Variants in PCDHGA5 observed in about 807,000 individuals in gnomAD.
The protein encoded by PCDHGA5 is protocadherin gamma subfamily A, 5, also known as protocadherin gamma-A5.
A neutral mutation model predicts 56.7 loss-of-function variants in PCDHGA5; 36 were observed. The observed-to-expected ratio is 0.64, with a 90% confidence interval of 0.49 to 0.84. The LOEUF (loss-of-function observed/expected upper bound fraction) is 0.84. Ranked by LOEUF, PCDHGA5 falls within the 40% of genes least tolerant of loss-of-function variation. The pLI, the probability that PCDHGA5 is intolerant of heterozygous loss-of-function variation, is 0.00. For missense variants in PCDHGA5, 1,305 were observed against 1,201.5 expected (o/e 1.09, Z -1.27); for synonymous variants, 563 against 520.2 (o/e 1.08, Z -1.12).
rs1445482375 is a variant in PCDHGA5, at chr5:141,364,528, C to A, written c.198C>A (p.Ile66=). ...AGCTGGCGGAGCGCGGAGTCCGCAT[C>A]GTCTCCAGAGGTAGGACGCAGCTTT... ...PQELAERGVR[I]VSRGRTQLFA... is the part of the protein sequence containing the mutation. The change falls in exon 1 of 4, where the codon ATC becomes ATA. Residue 66 remains isoleucine, a synonymous_variant. Coordinates refer to ENST00000518069, the MANE Select transcript of PCDHGA5 (RefSeq NM_018918.3). The A allele has an allele frequency of 1.2e-6, 2 of 1,613,930 alleles. No homozygotes were observed. Among genetic ancestry groups the A allele is most frequent in the Non-Finnish European group, 1.7e-6 (2 of 1,179,924 alleles).
intron 1 of PCDHGA5, chr5:141,399,651 G>A (rs1561671286): frequency 1.2e-6 from 2 of 1,613,738 alleles, no homozygotes; most frequent in Non-Finnish European, 1.7e-6. Flanking sequence ...CGCAAAGTGG[G>A]GTGGTGTTCG....
At position 141,489,384 on chromosome 5, in the gene PCDHGA5, T is replaced by G; in HGVS notation, c.2422-5423T>G. The G allele has an allele frequency of 6.2e-7, 1 of 1,613,986 alleles. No individual in the cohort carries two copies. The highest frequency in any genetic ancestry group is 1.3e-5 in the African/African-American group (1 of 75,042). On this transcript the variant is annotated intron_variant, in intron 1 of 3. Transcript: ENST00000518069. This position sits in a 1 kb window ranked among gnomAD's most constrained non-coding sequence, Gnocchi z 4.5. ...AGCCGGGGACGCTGGTGGGGAATGT[T>G]GCTCAGGATCTGGGCTTAAAGATGA...
At chr5:141,367,536 C>CG (rs1376897976) in intron 1 of PCDHGA5, 1 of 106,510 alleles carries the variant, frequency 9.4e-6, no homozygotes, top group Admixed American at 1.0e-4. Flanking sequence ...GACTCCGTCT[C>CG]AAAATAAATA....
intron 1 of PCDHGA5, among the ~76,000 whole-genome samples, chr5:141,401,891 T>C (rs1196463391): frequency 6.6e-6 from 1 of 152,200 alleles, no homozygotes; most frequent in Non-Finnish European, 1.5e-5. Context: ...TTTTGTGTTC[T>C]TTTTCCCAAA....
In PCDHGA5 at chr5:141,432,613, G is replaced by A. The variant is rs1461837957; in HGVS notation, c.2422-62194G>A. 6.2e-7 allele frequency: 1 copy of A among 1,613,946 alleles called. No homozygotes were observed. The highest frequency in any genetic ancestry group is 1.3e-5 in the African/African-American group (1 of 75,056). On this transcript the variant is annotated intron_variant, in intron 1 of 3. Coordinates refer to ENST00000518069, the MANE Select transcript of PCDHGA5 (RefSeq NM_018918.3). The surrounding 1 kb of genome is among the most constrained non-coding windows in gnomAD (Gnocchi z 6.0). ...AGGCCAGCGAGCCGGGACTCTTCTC[G>A]GTGGGTCTGCACACGGGCGAGGTGC...
chr5:141,412,847 A>G (rs1206334568), intron 1 of PCDHGA5: 1 of 213,282 alleles, frequency 4.7e-6, no homozygotes, highest in Non-Finnish European at 9.1e-6. Flanking sequence ...AGGAGTGGAG[A>G]AACCAAAGAA....
chr5:141,387,924 CTGCCAG>C (rs145222727), intron 1 of PCDHGA5: 128,031 of 1,478,756 alleles, frequency 0.087, 6,358 homozygotes, highest in Non-Finnish European at 0.099. Context: ...GGCTGAGAGG[CTGCCAG>C]TGCTCTTTCT....
intron 1 of PCDHGA5, among the ~76,000 whole-genome samples, chr5:141,457,900 A>C (rs2098931922): frequency 6.7e-6 from 1 of 149,818 alleles, no homozygotes; most frequent in Admixed American, 6.6e-5. Context: ...CTGTGTAGAC[A>C]AGGTGTGAGG....
chr5:141,425,794 G>A (rs915736198), intron 1 of PCDHGA5, among the ~76,000 whole-genome samples: 23 of 152,074 alleles, frequency 1.5e-4, no homozygotes, highest in Non-Finnish European at 2.2e-4. Context: ...CTTCCAATAT[G>A]TGCATTGCTT....
chr5:141,437,307 G>A (rs1172152732), intron 1 of PCDHGA5, among the ~76,000 whole-genome samples: 7 of 152,120 alleles, frequency 4.6e-5, no homozygotes, highest in South Asian at 2.1e-4. Context: ...AAGTTAAAGC[G>A]TTCAGCTATA....
chr5:141,445,388 A>G (rs2098465525), intron 1 of PCDHGA5, among the ~76,000 whole-genome samples: 2 of 152,212 alleles, frequency 1.3e-5, no homozygotes, highest in African/African-American at 4.8e-5. Flanking sequence ...TCATTCATTT[A>G]CATAACAAAT....
chr5:141,428,121 G>A (rs764584436), intron 1 of PCDHGA5: 2 of 1,605,742 alleles, frequency 1.2e-6, no homozygotes, highest in Admixed American at 1.7e-5. Flanking sequence ...CATCGAGCCC[G>A]GGCTTTTCAG....
intron 1 of PCDHGA5, among the ~76,000 whole-genome samples, chr5:141,457,067 G>A (rs946526462): frequency 1.3e-5 from 2 of 152,166 alleles, no homozygotes; most frequent in Non-Finnish European, 2.9e-5. Flanking sequence ...CTTTTTGCCA[G>A]TAACTATTAT....
chr5:141,366,180 T>C lies in PCDHGA5; in HGVS notation c.1850T>C (p.Phe617Ser). 6.2e-7 allele frequency: 1 copy of C among 1,613,950 alleles called. No homozygotes were observed. Among genetic ancestry groups the C allele is most frequent in the Non-Finnish European group, 8.5e-7 (1 of 1,180,044 alleles). ...CTTAAGGCCAGCGAGCCAGGACTCT[T>C]TGCGGTTGGGCTGCACACGGGCGAG... ...RLLKASEPGL[F>S]AVGLHTGEVR... The change falls in exon 1 of 4, where the codon TTT becomes TCT. Residue 617 changes from phenylalanine (F) to serine (S), a missense_variant. Transcript: ENST00000518069.
At chr5:141,437,561 C>G (rs1228292384) in intron 1 of PCDHGA5, among the ~76,000 whole-genome samples, 1 of 152,110 alleles carries the variant, frequency 6.6e-6, no homozygotes, top group Non-Finnish European at 1.5e-5. Context: ...TGACATGTAA[C>G]AGAGTATAGC....
rs144804989 is a variant in PCDHGA5 at position 141,489,791 on chromosome 5, C to T, written c.2422-5016C>T. 1.9e-6 allele frequency: 3 copies of T among 1,614,056 alleles called. No individual in the cohort carries two copies. Among genetic ancestry groups the T allele is most frequent in the Admixed American group, 1.7e-5 (1 of 60,010 alleles). Reference sequence around the variant, plus strand: ...AGCCACTTCTCTCTGAATGTGAAGACCCTAAAAGATGGGAAGCCATTCCCA... The same window carrying T: ...AGCCACTTCTCTCTGAATGTGAAGATCCTAAAAGATGGGAAGCCATTCCCA... On this transcript the variant is annotated intron_variant, in intron 1 of 3. Transcript: ENST00000518069. This position sits in a 1 kb window ranked among gnomAD's most constrained non-coding sequence, Gnocchi z 4.5.
intron 1 of PCDHGA5, chr5:141,402,966 C>T (rs749578447): frequency 6.2e-7 from 1 of 1,606,060 alleles, no homozygotes; most frequent in Non-Finnish European, 8.5e-7. Flanking sequence ...GCAGCTCCAA[C>T]CAAATGCCAG....
chr5:141,487,533 T>C lies in PCDHGA5; in HGVS notation c.2422-7274T>C. On this transcript the variant is annotated intron_variant, in intron 1 of 3. Coordinates refer to ENST00000518069, the MANE Select transcript of PCDHGA5 (RefSeq NM_018918.3). This position sits in a 1 kb window ranked among gnomAD's most constrained non-coding sequence, Gnocchi z 5.0. The stretch of plus-strand genomic sequence containing the variant: ...CCCACTCGGAGTGATAGCTTCATGA[T>C]GGTGAAGTCACCCAGTGCACCTATG... 6.2e-7 allele frequency: 1 copy of C among 1,614,186 alleles called. No individual in the cohort carries two copies. Among genetic ancestry groups the C allele is most frequent in the South Asian group, 1.1e-5 (1 of 91,080 alleles).
At chr5:141,468,330 C>CAAAAAAAAAAAA (rs533390277) in intron 1 of PCDHGA5, 1 of 79,864 alleles carries the variant, frequency 1.3e-5, no homozygotes, top group African/African-American at 3.9e-5. Context: ...AACTCCATCT[C>CAAAAAAAAAAAA]AAAAAAAAAA....
Sources: allele counts gnomAD v4.1 joint callset (sites outside exome capture counted in the v4.1 genomes callset), GRCh38; gene constraint gnomAD v4.1.1; non-coding constraint Gnocchi (gnomAD v3.1); transcripts MANE v1.5; gene names NCBI Gene and HGNC (gene_info 2026-07-23, HGNC 2026-07-21).